RIMS1: variants seen among roughly 807,000 people sequenced by gnomAD.
RIMS1 encodes regulating synaptic membrane exocytosis 1, also known as regulating synaptic membrane exocytosis protein 1.
In RIMS1, 83 loss-of-function variants were observed where a neutral mutation model predicts 214.1. The ratio of observed to expected loss-of-function variants is 0.39; its 90% CI spans 0.32 to 0.47. RIMS1 has a LOEUF of 0.47. Among genes scored for constraint, RIMS1 ranks in the 20% least tolerant of loss-of-function variants. RIMS1 has a pLI of 0.99. For missense variants in RIMS1, 2,050 were observed against 2,161.8 expected (o/e 0.95, Z 1.03); for synonymous variants, 793 against 786.8 (o/e 1.01, Z -0.13).
chr6:72,085,707 G>C (rs1352188565), intron 2 of RIMS1, among the ~76,000 whole-genome samples: 1 of 152,106 alleles, frequency 6.6e-6, no homozygotes, highest in Non-Finnish European at 1.5e-5. Context: ...CAAACCTACT[G>C]AATCAGAAGC....
intron 4 of RIMS1, among the ~76,000 whole-genome samples, chr6:72,112,961 C>A (rs928727295): frequency 1.3e-5 from 2 of 152,148 alleles, no homozygotes; most frequent in Non-Finnish European, 2.9e-5. Flanking sequence ...TTTGTGGAGT[C>A]AGCTTCATGT....
chr6:72,096,415 TA>T (rs34077560), intron 2 of RIMS1, among the ~76,000 whole-genome samples: 3 of 152,196 alleles, frequency 2.0e-5, no homozygotes, highest in Admixed American at 1.3e-4. Flanking sequence ...CAACATAGTC[TA>T]AAACAGTATT....
chr6:72,277,215 A>C (rs1213730883), intron 23 of RIMS1, among the ~76,000 whole-genome samples: 1 of 152,220 alleles, frequency 6.6e-6, no homozygotes, highest in Non-Finnish European at 1.5e-5. Context: ...ATTTAACAGT[A>C]AGCATTCTCA....
chr6:71,949,644 C>T (rs180935703), intron 1 of RIMS1, among the ~76,000 whole-genome samples: 2 of 152,274 alleles, frequency 1.3e-5, no homozygotes, highest in East Asian at 3.9e-4. Flanking sequence ...GTTAAACTTA[C>T]TTAACTCAAA....
intron 26 of RIMS1, among the ~76,000 whole-genome samples, chr6:72,300,572 C>T (rs971749544): frequency 2.6e-5 from 4 of 151,686 alleles, no homozygotes; most frequent in African/African-American, 9.7e-5. Context: ...TGTTATCCCC[C>T]AAAGAAGGCT....
In RIMS1 at chr6:72,353,208, C is replaced by T. The variant is rs555347793; in HGVS notation, c.4366+19373C>T. On this transcript the variant is annotated intron_variant, in intron 29 of 33. Transcript: ENST00000521978. ...CCATGTTGGTCAGGCTGGTCTCGAA[C>T]TCCTGACCTCGGGTGATCCACCAGC... Among the ~76,000 whole-genome samples the T allele has an allele frequency of 2.0e-5, 3 of 152,064 alleles. No homozygotes were observed. In the East Asian group the frequency reaches 5.8e-4, roughly 29 times the overall value.
chr6:72,202,819 G>T, intron 6 of RIMS1, among the ~76,000 whole-genome samples: 1 of 100,866 alleles, frequency 9.9e-6, no homozygotes, highest in East Asian at 3.7e-4. Context: ...TGATAACCCA[G>T]GACATGTTAC....
chr6:72,261,872 GAGAAA>G, intron 19 of RIMS1: 1 of 985,156 alleles, frequency 1.0e-6, no homozygotes, highest in Non-Finnish European at 1.2e-6. Flanking sequence ...TCTGCTTGCT[GAGAAA>G]AAAATGTAAA....
At chr6:72,247,916 A>G (rs886894763) in intron 11 of RIMS1, 99 bp from the exon 12 acceptor site, 9 of 764,334 alleles carry the variant, frequency 1.2e-5, no homozygotes, top group South Asian at 3.2e-5. Context: ...TATCAGTGAT[A>G]GTAATTATGG....
At chr6:72,327,157 A>G (rs557039308) in intron 28 of RIMS1, among the ~76,000 whole-genome samples, 1 of 151,960 alleles carries the variant, frequency 6.6e-6, no homozygotes, top group East Asian at 1.9e-4. Context: ...AAAAATACAT[A>G]AAATAATGAT....
chr6:71,995,451 CGTGTGTGTGTGTGTGTGT>C (rs59174738), intron 2 of RIMS1, among the ~76,000 whole-genome samples: 6 of 144,400 alleles, frequency 4.2e-5, no homozygotes, highest in African/African-American at 1.3e-4. Context: ...TGTAATATGA[CGTGTGTGTGTGTGTGTGT>C]GTGTGTGTGT....
In RIMS1 at chr6:72,053,823, T is replaced by G. The variant is rs79627291; in HGVS notation, c.246-43126T>G. Among the ~76,000 whole-genome samples the G allele has an allele frequency of 3.1e-4, 47 of 152,310 alleles. No homozygotes were observed. The East Asian group carries it at 7.9e-3, about 26-fold the overall frequency. ...TGACATGAATAAGTTTACAATACTCTGTAAATACAATCAAGCAGTAATAAT... is the reference window on the plus strand; with the variant it reads ...TGACATGAATAAGTTTACAATACTCGGTAAATACAATCAAGCAGTAATAAT... On this transcript the variant is annotated intron_variant, in intron 2 of 33. Coordinates refer to ENST00000521978, the MANE Select transcript of RIMS1 (RefSeq NM_014989.7).
At chr6:72,088,271 C>T (rs1173810161) in intron 2 of RIMS1, among the ~76,000 whole-genome samples, 3 of 137,404 alleles carry the variant, frequency 2.2e-5, no homozygotes, top group Non-Finnish European at 3.2e-5. Context: ...ATTTTGAGAC[C>T]GAGTCTCACT....
chr6:72,119,811 A>C, intron 4 of RIMS1, among the ~76,000 whole-genome samples: 1 of 151,290 alleles, frequency 6.6e-6, no homozygotes, highest in Non-Finnish European at 1.5e-5. Flanking sequence ...CACTCCCCCA[A>C]CCCCACAACA....
At position 72,271,010 on chromosome 6, in the gene RIMS1, G is replaced by T. The variant is rs554292530; in HGVS notation, c.3399-3339G>T. ...AGTACTGCCGTGGTGGCTCATGCCT[G>T]TAATCCCAGCACTTTGGGAGGCTGA... On this transcript the variant is annotated intron_variant, in intron 22 of 33. Transcript: ENST00000521978. 2.1e-3 allele frequency among the ~76,000 whole-genome samples: 314 copies of T among 152,222 alleles called. 4 individuals are homozygous for T. The highest frequency in any genetic ancestry group is 6.9e-3 in the African/African-American group (288 of 41,538).
At chr6:72,183,293 C>T in intron 6 of RIMS1, 144 bp downstream of exon 6, 1 of 695,248 alleles carries the variant, frequency 1.4e-6, no homozygotes, top group Non-Finnish European at 2.3e-6. Context: ...AGTGGAAGGT[C>T]TTATTTTTAT....
chr6:72,316,997 G>A (rs1187767529), intron 28 of RIMS1: 1 of 543,374 alleles, frequency 1.8e-6, no homozygotes, highest in Non-Finnish European at 3.5e-6. Context: ...GCTCCCTGCT[G>A]GGAAGCCTCC....
chr6:71,927,248 C>T (rs1344467977), intron 1 of RIMS1, among the ~76,000 whole-genome samples: 2 of 152,164 alleles, frequency 1.3e-5, no homozygotes, highest in Non-Finnish European at 2.9e-5. Context: ...ATTAACAGAA[C>T]ATGGCTACTT....
At chr6:72,012,186 TG>T (rs1483029891) in intron 2 of RIMS1, among the ~76,000 whole-genome samples, 3 of 152,138 alleles carry the variant, frequency 2.0e-5, no homozygotes, top group Admixed American at 6.5e-5. Flanking sequence ...TGTACGGACA[TG>T]GAGGAAGCTG....
Sources: allele counts gnomAD v4.1 joint callset (sites outside exome capture counted in the v4.1 genomes callset), GRCh38; gene constraint gnomAD v4.1.1; transcripts MANE v1.5; gene names NCBI Gene and HGNC (gene_info 2026-07-23, HGNC 2026-07-21).